DNM3: variants seen among roughly 807,000 people sequenced by gnomAD.
DNM3 encodes dynamin 3.
DNM3 carries 47 observed loss-of-function variants against 101.6 expected under a neutral mutation model. The ratio of observed to expected loss-of-function variants is 0.46; its 90% CI spans 0.37 to 0.59. The LOEUF (loss-of-function observed/expected upper bound fraction) is 0.59. Ranked by LOEUF, DNM3 falls within the 20% of genes least tolerant of loss-of-function variation. DNM3 has a pLI of 0.00. For missense variants in DNM3, 849 were observed against 1,085.7 expected, an observed-to-expected ratio of 0.78 and a Z score of 3.06; for synonymous variants, 385 against 387.9, an observed-to-expected ratio of 0.99 and a Z score of 0.09.
intron 17 of DNM3, among the ~76,000 whole-genome samples, chr1:172,347,197 C>CA (rs1025755656): frequency 1.3e-3 from 187 of 147,154 alleles, no homozygotes; most frequent in African/African-American, 4.5e-3. Flanking sequence ...AGCAGAAGCC[C>CA]CCCCCGCCAA....
chr1:172,223,793 TC>T (rs1355408616), intron 14 of DNM3, among the ~76,000 whole-genome samples: 7 of 152,224 alleles, frequency 4.6e-5, no homozygotes, highest in Admixed American at 1.3e-4. Context: ...TCGTACTTGT[TC>T]TGTCTACTTC....
chr1:172,337,088 G>C (rs951152288), intron 17 of DNM3, among the ~76,000 whole-genome samples: 1 of 152,144 alleles, frequency 6.6e-6, no homozygotes, highest in African/African-American at 2.4e-5. Context: ...GGAACCAATA[G>C]TTTTTCTGAC....
intron 13 of DNM3, among the ~76,000 whole-genome samples, chr1:172,117,689 A>C (rs2056017550): frequency 6.6e-6 from 1 of 152,192 alleles, no homozygotes; most frequent in Non-Finnish European, 1.5e-5. Flanking sequence ...AGGGTCCCAC[A>C]AGTATCATCT....
chr1:172,141,349 C>T (rs994244175), intron 14 of DNM3, among the ~76,000 whole-genome samples: 1 of 152,018 alleles, frequency 6.6e-6, no homozygotes, highest in Non-Finnish European at 1.5e-5. Context: ...AGGTTAAAGC[C>T]TGACCTTCTA....
intron 1 of DNM3, among the ~76,000 whole-genome samples, chr1:171,870,781 C>G (rs1318213373): frequency 6.6e-6 from 1 of 152,018 alleles, no homozygotes; most frequent in Non-Finnish European, 1.5e-5. Context: ...AATCAGGTAC[C>G]CAAACTGCCT....
At chr1:172,415,442 A>C (rs2071391469), downstream of DNM3, 2 of 151,668 alleles carry the variant, frequency 1.3e-5, no homozygotes. Context: ...CCCTTTCCCA[A>C]GCCTTCAGGC....
intron 14 of DNM3, among the ~76,000 whole-genome samples, chr1:172,220,588 C>T (rs1238178016): frequency 2.6e-5 from 4 of 151,816 alleles, no homozygotes; most frequent in African/African-American, 4.8e-5. Flanking sequence ...TTCACAGAGG[C>T]GGATGGGAAA....
chr1:171,881,124 TATA>T (rs1173039584), intron 1 of DNM3, among the ~76,000 whole-genome samples: 1 of 152,230 alleles, frequency 6.6e-6, no homozygotes, highest in East Asian at 1.9e-4. Context: ...CTAATAATTG[TATA>T]ATAATAAGTT....
intron 1 of DNM3, among the ~76,000 whole-genome samples, chr1:171,848,102 G>C (rs2032436495): frequency 6.6e-6 from 1 of 152,142 alleles, no homozygotes; most frequent in South Asian, 2.1e-4. Flanking sequence ...AGCTAGGTTT[G>C]GAACTTAATG....
intron 14 of DNM3, among the ~76,000 whole-genome samples, chr1:172,212,353 A>G (rs1477185984): frequency 6.6e-6 from 1 of 152,164 alleles, no homozygotes; most frequent in Non-Finnish European, 1.5e-5. Flanking sequence ...CTTCCTGACA[A>G]TGATTCATAT....
intron 15 of DNM3, among the ~76,000 whole-genome samples, chr1:172,303,652 G>C (rs1409493578): frequency 6.6e-6 from 1 of 152,180 alleles, no homozygotes; most frequent in Admixed American, 6.5e-5. Flanking sequence ...ACCCACAAAG[G>C]GAAGCACATC....
At chr1:171,893,402 A>G (rs1478963309) in intron 1 of DNM3, among the ~76,000 whole-genome samples, 2 of 151,974 alleles carry the variant, frequency 1.3e-5, no homozygotes, top group Non-Finnish European at 2.9e-5. Flanking sequence ...CAAAACCTAT[A>G]AAGTAAGGTT....
chr1:172,357,668 T>C (rs2067521506), intron 17 of DNM3, among the ~76,000 whole-genome samples: 1 of 152,112 alleles, frequency 6.6e-6, no homozygotes, highest in Non-Finnish European at 1.5e-5. Context: ...AATGTCAATT[T>C]CCTTATCTTG....
intron 16 of DNM3, among the ~76,000 whole-genome samples, chr1:172,322,437 G>A (rs775041673): frequency 1.4e-4 from 21 of 152,158 alleles, no homozygotes; most frequent in Non-Finnish European, 2.2e-4. Context: ...GGGCTGCCCC[G>A]GGAGTAATGA....
rs1390689184 is a variant in DNM3, at chr1:171,841,818, G to C, written c.161+1G>C. ...CGGTGCTCGAGAACTTCGTGGGCAG[G>C]TAAGCGCGCAGGGCGCGGAGTAAGG... On this transcript the variant is annotated splice_donor_variant, in intron 1 of 20. Coordinates refer to ENST00000627582, the MANE Select transcript of DNM3 (RefSeq NM_015569.5). LOFTEE classifies it high-confidence loss of function. 6.2e-7 allele frequency: 1 copy of C among 1,607,722 alleles called. No individual in the cohort carries two copies. The highest frequency in any genetic ancestry group is 8.5e-7 in the Non-Finnish European group (1 of 1,178,674).
intron 14 of DNM3, chr1:172,136,702 T>C (rs1351656381): frequency 6.6e-6 from 1 of 152,142 alleles, no homozygotes; most frequent in Non-Finnish European, 1.5e-5. Context: ...TATTATTCAA[T>C]AAACCATAAT....
intron 13 of DNM3, among the ~76,000 whole-genome samples, chr1:172,106,847 CTTTTTTTT>C (rs1165611083): frequency 0.061 from 4,162 of 68,068 alleles, 338 homozygotes; most frequent in African/African-American, 0.24. Flanking sequence ...TAACATTATT[CTTTTTTTT>C]TTTTTTTTTT....
chr1:172,162,252 T>C lies in DNM3; in HGVS notation c.1659+30964T>C, dbSNP rs115538241. ...TTTTTCTAATGAGATAATTTAAACTTAGTATAATATATTGACGTATCTGTT... is the reference window on the plus strand; with the variant it reads ...TTTTTCTAATGAGATAATTTAAACTCAGTATAATATATTGACGTATCTGTT... On this transcript the variant is annotated intron_variant, in intron 14 of 20. Transcript: ENST00000627582. 6.9e-3 allele frequency among the ~76,000 whole-genome samples: 1,046 copies of C among 152,152 alleles called. 16 individuals carry two copies. Among genetic ancestry groups the C allele is most frequent in the African/African-American group, 0.024 (997 of 41,492 alleles).
intron 4 of DNM3, among the ~76,000 whole-genome samples, chr1:172,013,715 G>C (rs529925512): frequency 6.6e-6 from 1 of 151,940 alleles, no homozygotes; most frequent in South Asian, 2.1e-4. Context: ...TAAAGAGAAG[G>C]GTATTTGGAG....
Sources: allele counts gnomAD v4.1 joint callset (sites outside exome capture counted in the v4.1 genomes callset), GRCh38; gene constraint gnomAD v4.1.1; transcripts MANE v1.5; gene names NCBI Gene and HGNC (gene_info 2026-07-23, HGNC 2026-07-21).